The following RAB2A variants were observed in gnomAD, a reference collection of about 807,000 sequenced individuals.
RAB2A encodes ras-related protein Rab-2A.
RAB2A carries 7 observed loss-of-function variants against 32.5 expected under a neutral mutation model. The observed-to-expected ratio is 0.22, with a 90% CI of 0.12 to 0.40. The LOEUF is 0.40. RAB2A is among the 10% of genes least tolerant of loss of function. The pLI is 1.00. For synonymous variants in RAB2A, 79 were observed against 85.2 expected (o/e 0.93, Z 0.40); for missense variants, 108 against 260.7 (o/e 0.41, Z 4.03).
intron 6 of RAB2A, among the ~76,000 whole-genome samples, chr8:60,601,589 TG>T (rs1304107867): frequency 6.6e-6 from 1 of 152,186 alleles, no homozygotes; most frequent in Non-Finnish European, 1.5e-5. Flanking sequence ...CCGCCTGCTG[TG>T]GCCTCCCAAA....
At chr8:60,572,509 C>T (rs770974379) in intron 3 of RAB2A, among the ~76,000 whole-genome samples, 15 of 152,194 alleles carry the variant, frequency 9.9e-5, no homozygotes, top group Non-Finnish European at 2.1e-4. Flanking sequence ...CTTGAAGTCA[C>T]GTTGCTCTTA....
chr8:60,604,870 G>A (rs1277635110), intron 6 of RAB2A, among the ~76,000 whole-genome samples: 2 of 152,202 alleles, frequency 1.3e-5, no homozygotes. Context: ...CCATGTGGTA[G>A]AAAAGAAAAG....
chr8:60,546,891 CTTTTTTTTT>C (rs6150606), intron 1 of RAB2A, among the ~76,000 whole-genome samples: 12 of 98,946 alleles, frequency 1.2e-4, no homozygotes, highest in Admixed American at 2.0e-4. Flanking sequence ...TTTTTTGGGT[CTTTTTTTTT>C]TTTTTTTTTT....
chr8:60,616,070 A>C (rs928984386), intron 6 of RAB2A, among the ~76,000 whole-genome samples: 1 of 152,174 alleles, frequency 6.6e-6, no homozygotes, highest in Non-Finnish European at 1.5e-5. Flanking sequence ...GTTATATTTC[A>C]GTTGTAATGG....
intron 1 of RAB2A, among the ~76,000 whole-genome samples, chr8:60,522,263 G>A (rs1273491330): frequency 6.6e-6 from 1 of 152,192 alleles, no homozygotes; most frequent in Non-Finnish European, 1.5e-5. Flanking sequence ...TGGTTGAAAT[G>A]GTAGGAAGAC....
chr8:60,550,968 T>A (rs1252366362), intron 1 of RAB2A, among the ~76,000 whole-genome samples: 2 of 152,148 alleles, frequency 1.3e-5, no homozygotes, highest in Non-Finnish European at 2.9e-5. Flanking sequence ...AGAACTTTTC[T>A]TCTTAACTGT....
chr8:60,571,613 A>T (rs1253832194), intron 2 of RAB2A, among the ~76,000 whole-genome samples: 2 of 152,180 alleles, frequency 1.3e-5, no homozygotes, highest in Non-Finnish European at 2.9e-5. Context: ...TTCCTTGCTA[A>T]TTATTCATGC....
In RAB2A at chr8:60,620,822, C is replaced by A. The variant is rs1240032182; in HGVS notation, c.*53C>A. 6.9e-7 allele frequency: 1 copy of A among 1,452,024 alleles called. No homozygotes were observed. The highest frequency in any genetic ancestry group is 9.4e-7 in the Non-Finnish European group (1 of 1,062,466). The allele number at this position is 1,452,024 out of a possible 1,614,324, so 89.9% of individuals were successfully genotyped here. ...CGGGGCCTACTCACTTATTCTTTCA[C>A]CCCCTCTCCTCCTGCTCAGCTGAGA... On this transcript the variant is annotated 3_prime_UTR_variant, in exon 8 of 8. Coordinates refer to ENST00000262646, the MANE Select transcript of RAB2A (RefSeq NM_002865.3).
Position 60,594,321 on chromosome 8 carries a change from C to T in RAB2A, c.474+2352C>T, listed in dbSNP as rs1270648585. Reference sequence around the variant, plus strand: ...CCAGACAAATCCACATGATGACGAACCTCTGTATGGTCAAATTTCTGAACG... The same window carrying T: ...CCAGACAAATCCACATGATGACGAATCTCTGTATGGTCAAATTTCTGAACG... On this transcript the variant is annotated intron_variant, in intron 6 of 7. Transcript: ENST00000262646. 2.0e-5 allele frequency among the ~76,000 whole-genome samples: 3 copies of T among 151,954 alleles called. No individual in the cohort carries two copies. The East Asian group carries it at 5.8e-4, about 29-fold the overall frequency.
intron 6 of RAB2A, among the ~76,000 whole-genome samples, chr8:60,594,745 T>TC (rs2130855937): frequency 6.6e-6 from 1 of 152,336 alleles, no homozygotes; most frequent in Admixed American, 6.5e-5. Context: ...TGGTTTTCTG[T>TC]CCTTGTGATA....
chr8:60,544,411 C>G (rs1807695931), intron 1 of RAB2A, among the ~76,000 whole-genome samples: 1 of 151,980 alleles, frequency 6.6e-6, no homozygotes, highest in Non-Finnish European at 1.5e-5. Context: ...AGATAATGCT[C>G]TCTTAGCTGT....
intron 2 of RAB2A, among the ~76,000 whole-genome samples, chr8:60,561,938 C>T (rs192236216): frequency 6.6e-4 from 100 of 152,262 alleles, no homozygotes; most frequent in African/African-American, 2.4e-3. Flanking sequence ...ACCATTGACT[C>T]CTGAGCTCAT....
At chr8:60,614,858 G>T (rs570703298) in intron 6 of RAB2A, among the ~76,000 whole-genome samples, 1 of 152,298 alleles carries the variant, frequency 6.6e-6, no homozygotes, top group African/African-American at 2.4e-5. Flanking sequence ...TGGGGGAAAG[G>T]AAAGGCTAGT....
intron 2 of RAB2A, among the ~76,000 whole-genome samples, chr8:60,560,751 T>G (rs1808010040): frequency 1.3e-5 from 2 of 151,744 alleles, no homozygotes; most frequent in African/African-American, 4.8e-5. Flanking sequence ...GTTTTTTGTT[T>G]TTTTTTTTTA....
At chr8:60,585,805 TAAAG>T (rs1563478439) in intron 5 of RAB2A, among the ~76,000 whole-genome samples, 1 of 152,276 alleles carries the variant, frequency 6.6e-6, no homozygotes, top group Non-Finnish European at 1.5e-5. Context: ...GATAATCAAA[TAAAG>T]AAACTGAAAT....
chr8:60,623,085 T>A lies in RAB2A; in HGVS notation c.*2316T>A, dbSNP rs1009499401. ...TGAAAAAAATAAACACAGCTTTCAA[T>A]GTCTCACTCAACATGTAACATTCAA... On this transcript the variant is annotated 3_prime_UTR_variant, in exon 8 of 8. Transcript: ENST00000262646. 3 of 152,240 alleles carry A rather than the reference T, an allele frequency of 2.0e-5. No individual in the cohort carries two copies. The highest frequency in any genetic ancestry group is 4.4e-5 in the Non-Finnish European group (3 of 68,030). 9.4% of individuals were successfully genotyped at this position (152,240 alleles called of 1,614,324 possible).
At chr8:60,534,201 T>A (rs1317600552) in intron 1 of RAB2A, among the ~76,000 whole-genome samples, 1 of 152,218 alleles carries the variant, frequency 6.6e-6, no homozygotes, top group Non-Finnish European at 1.5e-5. Context: ...AGTAAACCTT[T>A]ATTGAGCACC....
intron 2 of RAB2A, chr8:60,559,378 C>CTG (rs1807986264): frequency 6.5e-6 from 1 of 154,112 alleles, no homozygotes; most frequent in Non-Finnish European, 1.4e-5. Flanking sequence ...AAATGTAAAC[C>CTG]ATTCAAGTGC....
chr8:60,598,017 G>C (rs1437977227), intron 6 of RAB2A, among the ~76,000 whole-genome samples: 1 of 152,034 alleles, frequency 6.6e-6, no homozygotes, highest in Non-Finnish European at 1.5e-5. Flanking sequence ...GGGCAACATG[G>C]TGAAACCCTG....
Sources: gnomAD v4.1 joint callset for allele counts (sites outside exome capture counted in the v4.1 genomes callset) on GRCh38, gnomAD v4.1.1 for gene constraint, MANE v1.5 for transcripts, NCBI Gene and HGNC (gene_info 2026-07-23, HGNC 2026-07-21) for gene names.